Variants in CCDC102A observed in about 807,000 individuals in gnomAD.
The protein encoded by CCDC102A is coiled-coil domain-containing protein 102A.
In CCDC102A, 40 loss-of-function variants were observed where a neutral mutation model predicts 55.5. The observed-to-expected ratio is 0.72, with a 90% CI of 0.56 to 0.94. The LOEUF (loss-of-function observed/expected upper bound fraction) is 0.94. Among genes scored for constraint, CCDC102A ranks in the 40% least tolerant of loss-of-function variants. The probability of loss-of-function intolerance (pLI) is 0.00; values close to 1 mark genes in which losing one functional copy is unlikely to be tolerated. For synonymous variants in CCDC102A, 323 were observed against 339.0 expected (o/e 0.95, Z 0.52); for missense variants, 779 against 768.6 (o/e 1.01, Z -0.16).
At position 57,518,122 on chromosome 16, in the gene CCDC102A, G is replaced by A. The variant is rs766800853; in HGVS notation, c.1194C>T (p.Ser398=). 1.7e-5 allele frequency: 28 copies of A among 1,609,076 alleles called. No individual in the cohort carries two copies. Among genetic ancestry groups the A allele is most frequent in the Non-Finnish European group, 2.2e-5 (26 of 1,179,704 alleles). Residue 398 remains serine, a synonymous_variant, in exon 6 of 9, where the codon AGC becomes AGT. Transcript: ENST00000258214. ...TGGCCCTCAGGTCGCAGTCCAGTGCGCTGGCTGTTTGCCGCCGCCGCCGGG... is the reference window on the plus strand; with the variant it reads ...TGGCCCTCAGGTCGCAGTCCAGTGCACTGGCTGTTTGCCGCCGCCGCCGGG... ...ALARRRRQTA[S]ALDCDLRASQ...
In CCDC102A at chr16:57,529,029, C is replaced by T; in HGVS notation, c.149G>A (p.Gly50Glu). Residue 50 changes from glycine (G) to glutamate (E), a missense_variant, in exon 2 of 9, where the codon GGG becomes GAG. By Grantham distance (98) the Gly-to-Glu change is moderately conservative. Transcript: ENST00000258214. The surrounding 1 kb of genome is among the most constrained non-coding windows in gnomAD (Gnocchi z 4.1). Reference protein sequence around the residue: ...PTPPSGTPSPGPPPALPLPPA... With the variant: ...PTPPSGTPSPEPPPALPLPPA... The stretch of plus-strand genomic sequence containing the variant: ...GGGCAGGGGCAGTGCGGGCGGCGGC[C>T]CGGGCGAGGGCGTGCCGCTGGGCGG... The T allele has an allele frequency of 9.0e-7, 1 of 1,105,806 alleles. No individual in the cohort carries two copies. Among genetic ancestry groups the T allele is most frequent in the African/African-American group, 1.7e-5 (1 of 58,994 alleles). 68.5% of individuals were successfully genotyped at this position (1,105,806 alleles called of 1,614,324 possible).
At chr16:57,533,625 C>G in intron 1 of CCDC102A, among the ~76,000 whole-genome samples, 1 of 151,768 alleles carries the variant, frequency 6.6e-6, no homozygotes, top group African/African-American at 2.4e-5. Context: ...CACTCACACA[C>G]AGCCCCAGTA....
At chr16:57,531,896 C>G (rs1257189371) in intron 1 of CCDC102A, among the ~76,000 whole-genome samples, 1 of 152,254 alleles carries the variant, frequency 6.6e-6, no homozygotes, top group Non-Finnish European at 1.5e-5. Flanking sequence ...GAGGTCTACA[C>G]CACCACGTGG....
intron 1 of CCDC102A, among the ~76,000 whole-genome samples, chr16:57,535,203 C>T (rs954130413): frequency 1.3e-5 from 2 of 152,238 alleles, no homozygotes; most frequent in East Asian, 3.8e-4. Flanking sequence ...TCCCTGTGAC[C>T]TGCTGCCCAG....
chr16:57,531,014 G>A (rs2032249163), intron 1 of CCDC102A, among the ~76,000 whole-genome samples: 1 of 151,554 alleles, frequency 6.6e-6, no homozygotes, highest in East Asian at 2.0e-4. Context: ...AGCCTCCCAG[G>A]TGAACCCCCT....
chr16:57,532,698 G>GAC (rs10535195), intron 1 of CCDC102A, among the ~76,000 whole-genome samples: 316 of 148,282 alleles, frequency 2.1e-3, no homozygotes, highest in Middle Eastern at 0.021. Context: ...AAGTGAAGCA[G>GAC]ACACACACAC....
At chr16:57,514,750 A>G (rs1170403607) in intron 8 of CCDC102A, among the ~76,000 whole-genome samples, 1 of 152,166 alleles carries the variant, frequency 6.6e-6, no homozygotes, top group South Asian at 2.1e-4. Context: ...GGCACAGGTC[A>G]ATGCTGTGGC....
chr16:57,514,290 C>G (rs1266560331), intron 8 of CCDC102A, among the ~76,000 whole-genome samples: 2 of 152,118 alleles, frequency 1.3e-5, no homozygotes, highest in Non-Finnish European at 2.9e-5. Context: ...GCTATGAACT[C>G]CTGAGCTCAA....
At chr16:57,521,290 C>G in intron 3 of CCDC102A, 114 bp from the exon 4 acceptor site, 1 of 775,038 alleles carries the variant, frequency 1.3e-6, no homozygotes, top group Non-Finnish European at 2.2e-6. Context: ...GTCCAAAATC[C>G]TTGCCTTGGT....
At chr16:57,536,400 C>G (rs118016422) in intron 1 of CCDC102A, 100 bp downstream of exon 1, 3,092 of 152,426 alleles carry the variant, frequency 0.02, 46 homozygotes, top group Non-Finnish European at 0.025. Context: ...CCAGCACGCC[C>G]CACAACTTAA....
At chr16:57,517,823 G>A (rs1226177861) in intron 6 of CCDC102A, among the ~76,000 whole-genome samples, 2 of 152,258 alleles carry the variant, frequency 1.3e-5, no homozygotes, top group Non-Finnish European at 2.9e-5. Flanking sequence ...GCTCCATGAG[G>A]GGAAGAGGGG....
chr16:57,534,106 C>A (rs2032326940), intron 1 of CCDC102A, among the ~76,000 whole-genome samples: 1 of 152,148 alleles, frequency 6.6e-6, no homozygotes, highest in South Asian at 2.1e-4. Context: ...AACCCCCACC[C>A]ATCTTCAAGT....
chr16:57,528,800 G>C lies in CCDC102A; in HGVS notation c.378C>G (p.Arg126=). 2 of 1,221,792 alleles carry C rather than the reference G, an allele frequency of 1.6e-6. No individual in the cohort carries two copies. The highest frequency in any genetic ancestry group is 4.0e-5 in the East Asian group (1 of 25,210). The allele number at this position is 1,221,792 out of a possible 1,614,324, so 75.7% of individuals were successfully genotyped here. The part of the protein sequence containing the change: ...NRAREEVRQL[R]QRLDALTKEL... ...CCTTGGTGAGCGCGTCCAGGCGCTG[G>C]CGCAGCTGGCGCACCTCCTCGCGCG... The change falls in exon 2 of 9, where the codon CGC becomes CGG. Residue 126 remains arginine, a synonymous_variant. Coordinates refer to ENST00000258214, the MANE Select transcript of CCDC102A (RefSeq NM_033212.4).
chr16:57,530,166 T>C (rs1230585557), intron 1 of CCDC102A, among the ~76,000 whole-genome samples: 1 of 152,120 alleles, frequency 6.6e-6, no homozygotes, highest in Non-Finnish European at 1.5e-5. Flanking sequence ...TCTCCCCTTC[T>C]CTGCCGGAAC....
chr16:57,516,173 TGA>T lies in CCDC102A; in HGVS notation c.1419+118_1419+119del. 1 of 1,015,600 alleles carries T rather than the reference TGA, an allele frequency of 9.8e-7. No individual in the cohort carries two copies. The allele number at this position is 1,015,600 out of a possible 1,614,324, so 62.9% of individuals were successfully genotyped here. On this transcript the variant is annotated intron_variant, in intron 7 of 8. Coordinates refer to ENST00000258214, the MANE Select transcript of CCDC102A (RefSeq NM_033212.4). The surrounding 1 kb of genome is among the most constrained non-coding windows in gnomAD (Gnocchi z 4.4). ...TACCCACTCTATCCTGGGCGACTCC[TGA>T]GAGACAGGCTTGTGCCAGGCACCAG...
intron 1 of CCDC102A, among the ~76,000 whole-genome samples, chr16:57,532,679 C>T (rs1367477573): frequency 6.7e-6 from 1 of 149,654 alleles, no homozygotes; most frequent in Admixed American, 6.7e-5. Context: ...AGGAGACATG[C>T]TCATCCCCAA....
Position 57,528,749 on chromosome 16 carries a change from G to A in CCDC102A, c.429C>T (p.Arg143=). 8.5e-7 allele frequency: 1 copy of A among 1,173,696 alleles called. No individual in the cohort carries two copies. The highest frequency in any genetic ancestry group is 1.1e-6 in the Non-Finnish European group (1 of 942,916). 72.7% of individuals were successfully genotyped at this position (1,173,696 alleles called of 1,614,324 possible). The change falls in exon 2 of 9, where the codon CGC becomes CGT. Residue 143 remains arginine, a synonymous_variant. Transcript: ENST00000258214. ...CCTCGCACTCGCCCTGCGCCTCTTG[G>A]CGCTCGCGCCGTGCGCCCGCCAGCT... ...TKELAGARRE[R]QEAQGECEAR...
chr16:57,536,060 A>AC (rs1319736464), intron 1 of CCDC102A, among the ~76,000 whole-genome samples: 1 of 144,056 alleles, frequency 6.9e-6, no homozygotes, highest in East Asian at 2.3e-4. Flanking sequence ...GGTCCCGCCC[A>AC]CCCCACCGCA....
chr16:57,527,992 G>C (rs1457351205), intron 2 of CCDC102A, among the ~76,000 whole-genome samples: 2 of 152,192 alleles, frequency 1.3e-5, no homozygotes, highest in Admixed American at 6.5e-5. Context: ...TTGTTGCCCA[G>C]GCTGGAGTGC....
Sources: allele counts gnomAD v4.1 joint callset (sites outside exome capture counted in the v4.1 genomes callset), GRCh38; gene constraint gnomAD v4.1.1; non-coding constraint Gnocchi (gnomAD v3.1); transcripts MANE v1.5; gene names NCBI Gene and HGNC (gene_info 2026-07-23, HGNC 2026-07-21).